The following RGS6 variants were observed in gnomAD, a reference collection of about 807,000 sequenced individuals.
The protein encoded by RGS6 is regulator of G protein signaling 6.
RGS6 carries 30 observed loss-of-function variants against 78.5 expected under a neutral mutation model. That is an observed-to-expected ratio of 0.38 (90% CI 0.29 to 0.52). RGS6 has a LOEUF of 0.52. Ranked by LOEUF, RGS6 falls within the 20% of genes least tolerant of loss-of-function variation. The pLI, the probability that RGS6 is intolerant of heterozygous loss-of-function variation, is 0.85. For synonymous variants in RGS6, 206 were observed against 206.0 expected (o/e 1.00, Z 0.00); for missense variants, 495 against 609.7 (o/e 0.81, Z 1.98).
chr14:72,320,657 G>A (rs1425050805), intron 2 of RGS6, among the ~76,000 whole-genome samples: 1 of 151,260 alleles, frequency 6.6e-6, no homozygotes, highest in Non-Finnish European at 1.5e-5. Flanking sequence ...AGAAACCATG[G>A]CAAAAGGATT....
chr14:72,589,737 A>C, the RGS6 span, among the ~76,000 whole-genome samples: 1 of 152,230 alleles, frequency 6.6e-6, no homozygotes, highest in Admixed American at 6.5e-5. Context: ...TGGAAACATT[A>C]ATGTCCAAAA....
At chr14:72,330,511 C>A (rs1290836533) in intron 2 of RGS6, among the ~76,000 whole-genome samples, 2 of 152,182 alleles carry the variant, frequency 1.3e-5, no homozygotes, top group Non-Finnish European at 2.9e-5. Context: ...TACTGAATAC[C>A]CACCTTCCTT....
chr14:71,983,798 C>T lies in RGS6; in HGVS notation c.84+18923C>T, dbSNP rs941658783. Among the ~76,000 whole-genome samples, 13 of 152,234 alleles carry T rather than the reference C, an allele frequency of 8.5e-5. No homozygotes were observed. The East Asian group carries it at 2.5e-3, about 29-fold the overall frequency. ...AGACCCTAATTTCCAAATGAACTTACATACGCAAGTCCCAGGGTTTAGGAC... is the reference window on the plus strand; with the variant it reads ...AGACCCTAATTTCCAAATGAACTTATATACGCAAGTCCCAGGGTTTAGGAC... On this transcript the variant is annotated intron_variant, in intron 2 of 17. Transcript: ENST00000553525.
chr14:72,131,464 A>G (rs778366745), intron 2 of RGS6, among the ~76,000 whole-genome samples: 2 of 152,228 alleles, frequency 1.3e-5, no homozygotes, highest in African/African-American at 2.4e-5. Context: ...TAAGCTGCCA[A>G]TGACAGCCTA....
rs140469722 is a variant in RGS6, at chr14:72,240,109, G to C, written c.85-111986G>C. Among the ~76,000 whole-genome samples, 261 of 152,280 alleles carry C rather than the reference G, an allele frequency of 1.7e-3. 3 individuals carry two copies. In the East Asian group the frequency reaches 0.04, roughly 23 times the overall value. On this transcript the variant is annotated intron_variant, in intron 2 of 17. Transcript: ENST00000553525. Reference sequence around the variant, plus strand: ...CCCAGGTCACATTGGGGAGGTACTAGAGTCCATGTGTCCTTCCCCTAACCC... The same window carrying C: ...CCCAGGTCACATTGGGGAGGTACTACAGTCCATGTGTCCTTCCCCTAACCC...
chr14:72,001,165 C>T (rs1003586810), intron 2 of RGS6, among the ~76,000 whole-genome samples: 3 of 152,192 alleles, frequency 2.0e-5, no homozygotes, highest in Admixed American at 6.5e-5. Flanking sequence ...AGCAACTGCT[C>T]GCAGTCGCGG....
At chr14:72,078,700 G>T (rs1424359352) in intron 2 of RGS6, among the ~76,000 whole-genome samples, 1 of 152,178 alleles carries the variant, frequency 6.6e-6, no homozygotes, top group Non-Finnish European at 1.5e-5. Flanking sequence ...TTACAGGCGT[G>T]AGCCACTGCG....
chr14:72,518,921 C>T (rs2096990620), intron 15 of RGS6, among the ~76,000 whole-genome samples: 3 of 151,850 alleles, frequency 2.0e-5, no homozygotes, highest in African/African-American at 7.3e-5. Flanking sequence ...ACCTCTGAAG[C>T]CCACACTGAT....
At chr14:72,540,505 AGCC>A in intron 17 of RGS6, 1 of 1,544,232 alleles carries the variant, frequency 6.5e-7, no homozygotes, top group Admixed American at 2.0e-5. Context: ...AAAAAAAAAA[AGCC>A]AAAATTTCCC....
chr14:72,593,676 C>T, the RGS6 span, among the ~76,000 whole-genome samples: 217 of 152,296 alleles, frequency 1.4e-3, 2 homozygotes, highest in South Asian at 0.02. Context: ...CGTGAGCCAC[C>T]GTGCCCAACA....
the RGS6 span, among the ~76,000 whole-genome samples, chr14:72,598,581 G>A: frequency 5.7e-4 from 87 of 152,294 alleles, no homozygotes; most frequent in East Asian, 0.014. Context: ...ATCTGTCTGC[G>A]CAGCCTCGGA....
chr14:72,228,396 TAAAATA>T (rs1353920946), intron 2 of RGS6, among the ~76,000 whole-genome samples: 2 of 151,622 alleles, frequency 1.3e-5, no homozygotes, highest in South Asian at 2.1e-4. Context: ...ATAATAATAA[TAAAATA>T]AAAATAAAAA....
intron 2 of RGS6, among the ~76,000 whole-genome samples, chr14:72,328,829 A>C (rs1317513476): frequency 6.6e-6 from 1 of 152,180 alleles, no homozygotes; most frequent in Non-Finnish European, 1.5e-5. Context: ...AAAATGTGAA[A>C]TATATACAAT....
At chr14:72,204,653 A>G (rs2042314169) in intron 2 of RGS6, among the ~76,000 whole-genome samples, 1 of 152,200 alleles carries the variant, frequency 6.6e-6, no homozygotes, top group African/African-American at 2.4e-5. Context: ...GTGTCTTCAC[A>G]TGATGAAAGG....
At chr14:72,179,968 C>G (rs1436430209) in intron 2 of RGS6, among the ~76,000 whole-genome samples, 1 of 152,180 alleles carries the variant, frequency 6.6e-6, no homozygotes, top group South Asian at 2.1e-4. Flanking sequence ...GTCAGAAGAA[C>G]AACTCCTTAT....
intron 2 of RGS6, among the ~76,000 whole-genome samples, chr14:72,332,675 C>G (rs1383529437): frequency 6.6e-6 from 1 of 152,168 alleles, no homozygotes; most frequent in Non-Finnish European, 1.5e-5. Flanking sequence ...AAGCCAGGGC[C>G]AATTCTTCCA....
chr14:72,384,091 G>A (rs552699655), intron 3 of RGS6, among the ~76,000 whole-genome samples: 20 of 152,238 alleles, frequency 1.3e-4, no homozygotes, highest in African/African-American at 2.9e-4. Context: ...CGTTTTGATC[G>A]TATAATAAGT....
At chr14:72,301,602 T>C (rs2066074745) in intron 2 of RGS6, among the ~76,000 whole-genome samples, 1 of 152,190 alleles carries the variant, frequency 6.6e-6, no homozygotes, top group Non-Finnish European at 1.5e-5. Flanking sequence ...CTGAGTCACC[T>C]AAACAGAAAT....
rs2095648719 is a variant in RGS6, at chr14:72,107,054, ATTTCAT to A, written c.84+142188_84+142193del. 1.3e-5 allele frequency among the ~76,000 whole-genome samples: 2 copies of A among 152,114 alleles called. 1 individual carries two copies. Among genetic ancestry groups the A allele is most frequent in the South Asian group, 4.1e-4 (2 of 4,830 alleles). On this transcript the variant is annotated intron_variant, in intron 2 of 17. Transcript: ENST00000553525. The stretch of plus-strand genomic sequence containing the variant: ...AGAAGCATAATGGTGACAGTCTGTC[ATTTCAT>A]TTTCATTTATTAGCTGGAAAGTCTT...
Sources: gnomAD v4.1 joint callset for allele counts (sites outside exome capture counted in the v4.1 genomes callset) on GRCh38, gnomAD v4.1.1 for gene constraint, MANE v1.5 for transcripts, NCBI Gene and HGNC (gene_info 2026-07-23, HGNC 2026-07-21) for gene names.